Variants in SEMA3A observed in about 807,000 individuals in gnomAD.
SEMA3A encodes the protein semaphorin 3A.
SEMA3A carries 29 observed loss-of-function variants against 97.9 expected under a neutral mutation model. The observed-to-expected ratio is 0.30, with a 90% CI of 0.22 to 0.40. The LOEUF is 0.40. Ranked by LOEUF, SEMA3A falls within the 10% of genes least tolerant of loss-of-function variation. The pLI is 1.00. For synonymous variants in SEMA3A, 321 were observed against 323.7 expected, an observed-to-expected ratio of 0.99 and a Z score of 0.09; for missense variants, 763 against 951.3, an observed-to-expected ratio of 0.80 and a Z score of 2.60.
At chr7:84,323,746 G>C (rs537789962) in intron 2 of SEMA3A, among the ~76,000 whole-genome samples, 1 of 152,150 alleles carries the variant, frequency 6.6e-6, no homozygotes, top group South Asian at 2.1e-4. Flanking sequence ...CATGCATCAT[G>C]GTTGATTACC....
intron 3 of SEMA3A, among the ~76,000 whole-genome samples, chr7:84,241,142 A>G (rs1799353731): frequency 6.6e-6 from 1 of 152,308 alleles, no homozygotes; most frequent in African/African-American, 2.4e-5. Flanking sequence ...TGCTGGGTCA[A>G]ATGGTATTTC....
chr7:83,980,397 G>A (rs538412237), intron 14 of SEMA3A, among the ~76,000 whole-genome samples: 88 of 151,696 alleles, frequency 5.8e-4, no homozygotes, highest in African/African-American at 2.1e-3. Flanking sequence ...ACGAGGTTAG[G>A]AGATCGAGAC....
At chr7:83,994,054 AT>A (rs1790093256) in intron 12 of SEMA3A, among the ~76,000 whole-genome samples, 1 of 149,408 alleles carries the variant, frequency 6.7e-6, no homozygotes, top group Non-Finnish European at 1.5e-5. Flanking sequence ...TTCTCGCCTC[AT>A]TTCATTCATT....
chr7:83,991,893 T>C (rs1311034705), intron 12 of SEMA3A, among the ~76,000 whole-genome samples: 4 of 147,356 alleles, frequency 2.7e-5, no homozygotes, highest in Non-Finnish European at 5.9e-5. Flanking sequence ...TCAGAAGGAA[T>C]GGTACCAGTT....
chr7:83,961,166 T>C lies in SEMA3A; in HGVS notation c.*205A>G, dbSNP rs553288876. Reference sequence around the variant, plus strand: ...AACATCTGCATTCACCTGTGTTCTCTGTTAGGTGGTGGTATTAGGAAAAAA... The same window carrying C: ...AACATCTGCATTCACCTGTGTTCTCCGTTAGGTGGTGGTATTAGGAAAAAA... On this transcript the variant is annotated 3_prime_UTR_variant, in exon 17 of 17. Transcript: ENST00000265362. The C allele has an allele frequency of 1.7e-6, 1 of 581,492 alleles. No homozygotes were observed. Among genetic ancestry groups the C allele is most frequent in the African/African-American group, 1.9e-5 (1 of 53,490 alleles). 36.0% of individuals were successfully genotyped at this position (581,492 alleles called of 1,614,324 possible).
intron 1 of SEMA3A, among the ~76,000 whole-genome samples, chr7:84,468,516 CCAA>C (rs1367039744): frequency 6.6e-6 from 1 of 152,060 alleles, no homozygotes; most frequent in Non-Finnish European, 1.5e-5. Context: ...ACTAGTCACA[CCAA>C]CAACGTTAAC....
Position 84,409,474 on chromosome 7 carries a change from C to T in SEMA3A, c.-245-37574G>A, listed in dbSNP as rs919318436. ...ACATTAGCCCTTTTTGTGTTACTTC[C>T]TTGGCATTTTACAACTGCCCTAATG... On this transcript the variant is annotated intron_variant, in intron 1 of 3. Transcript: ENST00000424555. Among the ~76,000 whole-genome samples the T allele has an allele frequency of 4.6e-5, 7 of 151,924 alleles. 1 individual carries two copies. The South Asian group carries it at 6.2e-4, about 13-fold the overall frequency.
At chr7:84,425,413 C>CT (rs1804779656) in intron 1 of SEMA3A, among the ~76,000 whole-genome samples, 1 of 125,386 alleles carries the variant, frequency 8.0e-6, no homozygotes, top group Non-Finnish European at 1.6e-5. Context: ...AAATATATGC[C>CT]TATATTTATA....
intron 4 of SEMA3A, 151 bp from the exon 5 acceptor site, chr7:84,060,709 A>G (rs542574692): frequency 3.9e-6 from 2 of 509,394 alleles, no homozygotes; most frequent in Non-Finnish European, 6.7e-6. Context: ...GGCAAAATAA[A>G]TCAAGTGTAT....
At chr7:84,057,393 G>A (rs982129685) in intron 5 of SEMA3A, among the ~76,000 whole-genome samples, 3 of 152,088 alleles carry the variant, frequency 2.0e-5, no homozygotes, top group African/African-American at 7.2e-5. Context: ...ATTAGCAGGT[G>A]AGTAATTGCT....
At chr7:84,378,288 A>T (rs1444649175) in intron 1 of SEMA3A, among the ~76,000 whole-genome samples, 1 of 152,194 alleles carries the variant, frequency 6.6e-6, no homozygotes, top group Non-Finnish European at 1.5e-5. Flanking sequence ...TATTTACAAT[A>T]GCAAAGACTT....
intron 2 of SEMA3A, among the ~76,000 whole-genome samples, chr7:84,346,992 A>G (rs1802314323): frequency 2.0e-5 from 3 of 152,224 alleles, no homozygotes; most frequent in Admixed American, 2.0e-4. Context: ...AATAAAAATG[A>G]AAACAAAATG....
intron 1 of SEMA3A, among the ~76,000 whole-genome samples, chr7:84,447,331 G>C (rs1244127808): frequency 6.6e-6 from 1 of 152,122 alleles, no homozygotes; most frequent in South Asian, 2.1e-4. Flanking sequence ...GCTCCTGGGC[G>C]GAGAGACGGT....
At chr7:83,995,331 G>A (rs1216118041) in intron 12 of SEMA3A, among the ~76,000 whole-genome samples, 2 of 151,954 alleles carry the variant, frequency 1.3e-5, no homozygotes, top group Admixed American at 6.6e-5. Flanking sequence ...TGGCCATCTT[G>A]GCTCCTCCCC....
At chr7:84,481,765 CTATT>C (rs770266890) in intron 1 of SEMA3A, among the ~76,000 whole-genome samples, 15 of 151,844 alleles carry the variant, frequency 9.9e-5, no homozygotes, top group Admixed American at 2.6e-4. Flanking sequence ...AAATTATTAT[CTATT>C]TAAAGTGGAA....
intron 3 of SEMA3A, among the ~76,000 whole-genome samples, chr7:84,212,143 T>C (rs1202920651): frequency 6.6e-6 from 1 of 152,148 alleles, no homozygotes; most frequent in Non-Finnish European, 1.5e-5. Context: ...AGAAACCACA[T>C]TGCAGTTGGT....
intron 1 of SEMA3A, among the ~76,000 whole-genome samples, chr7:84,397,073 T>A (rs1057398545): frequency 2.6e-5 from 4 of 152,036 alleles, no homozygotes; most frequent in African/African-American, 4.8e-5. Flanking sequence ...AATCTTGATT[T>A]ACATTTCCAT....
At chr7:84,187,051 A>T (rs1205551531) in intron 1 of SEMA3A, among the ~76,000 whole-genome samples, 1 of 152,178 alleles carries the variant, frequency 6.6e-6, no homozygotes, top group Non-Finnish European at 1.5e-5. Flanking sequence ...TGACTTGGAG[A>T]TGTAGCTTAG....
At chr7:84,353,366 T>C (rs1399229793) in intron 2 of SEMA3A, among the ~76,000 whole-genome samples, 1 of 151,722 alleles carries the variant, frequency 6.6e-6, no homozygotes, top group Non-Finnish European at 1.5e-5. Flanking sequence ...ACACACATCT[T>C]CCTTTCTCTT....
Sources: gnomAD v4.1 joint callset for allele counts (sites outside exome capture counted in the v4.1 genomes callset) on GRCh38, gnomAD v4.1.1 for gene constraint, MANE v1.5 for transcripts, NCBI Gene and HGNC (gene_info 2026-07-23, HGNC 2026-07-21) for gene names.